Variants in CSMD3 observed in about 807,000 individuals in gnomAD.
CSMD3 encodes the protein CUB and sushi domain-containing protein 3.
Under a neutral mutation model 435.2 loss-of-function variants are expected in CSMD3, and 177 were observed. The ratio of observed to expected loss-of-function variants is 0.41; its 90% CI spans 0.36 to 0.46. CSMD3 has a LOEUF of 0.46. Ranked by LOEUF, CSMD3 falls within the 20% of genes least tolerant of loss-of-function variation. The pLI is 0.34. For synonymous variants in CSMD3, 1,656 were observed against 1,520.5 expected (o/e 1.09, Z -2.07); for missense variants, 4,265 against 4,504.6 (o/e 0.95, Z 1.52).
chr8:113,166,166 C>T (rs2092144961), intron 4 of CSMD3, among the ~76,000 whole-genome samples: 1 of 152,070 alleles, frequency 6.6e-6, no homozygotes, highest in African/African-American at 2.4e-5. Flanking sequence ...TTTCATTAAT[C>T]ATTATACTTA....
chr8:112,866,608 T>C (rs139514780), intron 10 of CSMD3, among the ~76,000 whole-genome samples: 1 of 152,284 alleles, frequency 6.6e-6, no homozygotes, highest in African/African-American at 2.4e-5. Context: ...TGAGAGTTAG[T>C]TAAGTGTTGT....
At chr8:113,340,227 T>C (rs2094108810) in intron 1 of CSMD3, among the ~76,000 whole-genome samples, 1 of 152,148 alleles carries the variant, frequency 6.6e-6, no homozygotes, top group Non-Finnish European at 1.5e-5. Flanking sequence ...ATATGCATCC[T>C]TGATTATTAG....
At chr8:113,297,459 T>G (rs2093731146) in intron 2 of CSMD3, among the ~76,000 whole-genome samples, 1 of 149,674 alleles carries the variant, frequency 6.7e-6, no homozygotes, top group South Asian at 2.1e-4. Context: ...ACCTAACAAT[T>G]TGATGCAGTA....
chr8:112,434,671 T>C (rs928036787), intron 32 of CSMD3, among the ~76,000 whole-genome samples: 1 of 152,112 alleles, frequency 6.6e-6, no homozygotes. Flanking sequence ...ACAAAGCTCC[T>C]ACCTCGCACA....
intron 61 of CSMD3, among the ~76,000 whole-genome samples, chr8:112,257,422 C>A (rs1287940180): frequency 6.6e-6 from 1 of 152,176 alleles, no homozygotes; most frequent in Non-Finnish European, 1.5e-5. Flanking sequence ...TGATAAGCAA[C>A]TTCAGCAAAG....
intron 24 of CSMD3, among the ~76,000 whole-genome samples, chr8:112,569,728 G>A (rs1289641251): frequency 6.6e-6 from 1 of 152,146 alleles, no homozygotes; most frequent in Non-Finnish European, 1.5e-5. Flanking sequence ...GAAATTGTGA[G>A]AAGCATCAAG....
At chr8:112,298,512 G>A (rs772984420) in intron 53 of CSMD3, among the ~76,000 whole-genome samples, 8 of 152,102 alleles carry the variant, frequency 5.3e-5, no homozygotes, top group African/African-American at 1.4e-4. Context: ...AAAATTCCTC[G>A]TTGTCAAAAG....
chr8:112,299,510 G>A (rs1820701387), intron 53 of CSMD3, among the ~76,000 whole-genome samples: 1 of 152,050 alleles, frequency 6.6e-6, no homozygotes, highest in Non-Finnish European at 1.5e-5. Flanking sequence ...TGGAAACATG[G>A]ATAGATATGT....
chr8:112,495,000 T>C (rs548392908), intron 30 of CSMD3, among the ~76,000 whole-genome samples: 1 of 152,178 alleles, frequency 6.6e-6, no homozygotes, highest in Non-Finnish European at 1.5e-5. Context: ...TCTGTAAAAA[T>C]TTTGTCCCAA....
At chr8:113,333,013 G>A (rs747694077) in intron 1 of CSMD3, among the ~76,000 whole-genome samples, 1 of 151,560 alleles carries the variant, frequency 6.6e-6, no homozygotes, top group Non-Finnish European at 1.5e-5. Context: ...GGAGTCAAGA[G>A]GGGAACTGAG....
At chr8:112,777,443 AGTT>A (rs2078274148) in intron 13 of CSMD3, among the ~76,000 whole-genome samples, 1 of 151,874 alleles carries the variant, frequency 6.6e-6, no homozygotes, top group South Asian at 2.1e-4. Context: ...AATAAGTATT[AGTT>A]GTTGATGATA....
At chr8:112,404,408 T>G (rs1831592763) in intron 35 of CSMD3, among the ~76,000 whole-genome samples, 1 of 151,964 alleles carries the variant, frequency 6.6e-6, no homozygotes, top group African/African-American at 2.4e-5. Flanking sequence ...TGGGTGCCTG[T>G]AATCCCAGAT....
intron 4 of CSMD3, among the ~76,000 whole-genome samples, chr8:113,113,924 T>C (rs761750910): frequency 1.3e-5 from 2 of 152,196 alleles, no homozygotes; most frequent in Non-Finnish European, 1.5e-5. Context: ...GTTAAGAGTA[T>C]TGAGCCGACT....
chr8:112,719,019 TG>T (rs1166561488), intron 13 of CSMD3, among the ~76,000 whole-genome samples: 1 of 152,160 alleles, frequency 6.6e-6, no homozygotes, highest in Non-Finnish European at 1.5e-5. Flanking sequence ...CTGAATTTAT[TG>T]AAGACATTAT....
At chr8:113,240,635 A>G (rs1401776586) in intron 3 of CSMD3, among the ~76,000 whole-genome samples, 1 of 152,160 alleles carries the variant, frequency 6.6e-6, no homozygotes, top group Admixed American at 6.6e-5. Flanking sequence ...TACCTGTAAA[A>G]TTGTATGTCA....
intron 4 of CSMD3, among the ~76,000 whole-genome samples, chr8:113,105,960 C>G (rs913861636): frequency 9.9e-5 from 15 of 151,418 alleles, no homozygotes; most frequent in South Asian, 6.2e-4. Flanking sequence ...AGAAACAGAC[C>G]AAAACATATG....
chr8:112,791,892 T>G (rs2078702214), intron 13 of CSMD3, among the ~76,000 whole-genome samples: 1 of 152,174 alleles, frequency 6.6e-6, no homozygotes, highest in South Asian at 2.1e-4. Context: ...AGCCAACATT[T>G]TTTAATCTTC....
At chr8:112,961,222 T>C (rs2084216635) in intron 7 of CSMD3, among the ~76,000 whole-genome samples, 3 of 151,814 alleles carry the variant, frequency 2.0e-5, no homozygotes, top group African/African-American at 7.2e-5. Flanking sequence ...AAAAATTTGT[T>C]AACTATTTTG....
intron 5 of CSMD3, among the ~76,000 whole-genome samples, chr8:113,083,622 AAGAG>A (rs2089648310): frequency 6.6e-6 from 1 of 152,168 alleles, no homozygotes; most frequent in Non-Finnish European, 1.5e-5. Context: ...TATAAATAGT[AAGAG>A]AGGAAGAAAC....
Sources: allele counts gnomAD v4.1 joint callset (sites outside exome capture counted in the v4.1 genomes callset), GRCh38; gene constraint gnomAD v4.1.1; transcripts MANE v1.5; gene names NCBI Gene and HGNC (gene_info 2026-07-23, HGNC 2026-07-21).